ZFHX3: variants seen among roughly 807,000 people sequenced by gnomAD.
ZFHX3 encodes zinc finger homeobox protein 3.
A neutral mutation model predicts 279.1 loss-of-function variants in ZFHX3; 42 were observed. That is an observed-to-expected ratio of 0.15 (90% confidence interval 0.12 to 0.19). The LOEUF (loss-of-function observed/expected upper bound fraction) is 0.19, where lower values mean the gene tolerates loss of function less well. ZFHX3 is among the 10% of genes least tolerant of loss of function. The probability of loss-of-function intolerance (pLI) is 1.00; values close to 1 mark genes in which losing one functional copy is unlikely to be tolerated. For missense variants in ZFHX3, 4,981 were observed against 4,754.0 expected (o/e 1.05, Z -1.40); for synonymous variants, 2,293 against 1,957.8 (o/e 1.17, Z -4.52).
chr16:73,636,963 A>G (rs1323090453), intron 2 of ZFHX3, among the ~76,000 whole-genome samples: 19 of 152,262 alleles, frequency 1.2e-4, no homozygotes. Flanking sequence ...AATTTTGGGA[A>G]CAAACATGAT....
intron 1 of ZFHX3, among the ~76,000 whole-genome samples, chr16:73,055,872 A>ACACACACACACACG (rs1320637770): frequency 7.9e-5 from 12 of 151,676 alleles, no homozygotes; most frequent in African/African-American, 2.9e-4. Flanking sequence ...ACACACACAC[A>ACACACACACACACG]CGCAGAGAAC....
In ZFHX3 at chr16:73,426,386, G is replaced by A. The variant is rs573153194; in HGVS notation, c.-1291+29617C>T. On this transcript the variant is annotated intron_variant, in intron 3 of 17. Coordinates refer to the ZFHX3 transcript ENST00000641206. ...AAAAGTAAAGGTCAAAAACTAAAATGGAGCAAGAAAGGTGATAAATGGCCT... is the reference window on the plus strand; with the variant it reads ...AAAAGTAAAGGTCAAAAACTAAAATAGAGCAAGAAAGGTGATAAATGGCCT... Among the ~76,000 whole-genome samples the A allele has an allele frequency of 4.6e-5, 7 of 152,300 alleles. No homozygotes were observed. The South Asian group carries it at 1.2e-3, about 27-fold the overall frequency.
At chr16:73,645,282 G>C (rs2052608099) in intron 2 of ZFHX3, among the ~76,000 whole-genome samples, 1 of 152,130 alleles carries the variant, frequency 6.6e-6, no homozygotes. Context: ...TTGAGACGGA[G>C]TCTCGCTCTG....
intron 7 of ZFHX3, chr16:73,099,051 T>G (rs548690542): frequency 6.6e-6 from 1 of 152,374 alleles, no homozygotes; most frequent in Admixed American, 6.5e-5. Flanking sequence ...TTTCCTAATA[T>G]ACAGTCTAAA....
chr16:73,264,690 G>T (rs2013919061), intron 4 of ZFHX3, among the ~76,000 whole-genome samples: 1 of 151,978 alleles, frequency 6.6e-6, no homozygotes, highest in South Asian at 2.1e-4. Flanking sequence ...CACTCAAGCA[G>T]TATACAGTGA....
intron 2 of ZFHX3, among the ~76,000 whole-genome samples, chr16:73,523,048 T>C (rs1177023162): frequency 6.6e-6 from 1 of 152,140 alleles, no homozygotes; most frequent in Non-Finnish European, 1.5e-5. Flanking sequence ...TTATGGGAAC[T>C]ACAATTCAAG....
intron 1 of ZFHX3, among the ~76,000 whole-genome samples, chr16:73,680,841 GT>G (rs1408117394): frequency 6.6e-6 from 1 of 152,210 alleles, no homozygotes; most frequent in Non-Finnish European, 1.5e-5. Context: ...ATCTGTGCGT[GT>G]GAGTGGGGTA....
chr16:73,265,558 C>A (rs1357823150), intron 4 of ZFHX3, among the ~76,000 whole-genome samples: 1 of 152,112 alleles, frequency 6.6e-6, no homozygotes, highest in East Asian at 1.9e-4. Flanking sequence ...CAGTTTGGAG[C>A]AAAGTGGTTT....
chr16:73,038,463 G>T (rs1257458227), intron 1 of ZFHX3, among the ~76,000 whole-genome samples: 1 of 152,232 alleles, frequency 6.6e-6, no homozygotes, highest in Non-Finnish European at 1.5e-5. Context: ...CAAAGGCCCA[G>T]AATCATCTGA....
At chr16:72,909,436 T>G (rs985555911) in intron 3 of ZFHX3, among the ~76,000 whole-genome samples, 1 of 152,182 alleles carries the variant, frequency 6.6e-6, no homozygotes, top group Non-Finnish European at 1.5e-5. Flanking sequence ...TTCCCTGACC[T>G]AAAACCCCGT....
At chr16:73,676,208 T>A (rs2052952618) in intron 2 of ZFHX3, among the ~76,000 whole-genome samples, 1 of 152,052 alleles carries the variant, frequency 6.6e-6, no homozygotes, top group Non-Finnish European at 1.5e-5. Flanking sequence ...TTTCTATTAT[T>A]TTTGACTATA....
At chr16:73,204,940 T>C (rs951935704) in intron 5 of ZFHX3, among the ~76,000 whole-genome samples, 2 of 152,236 alleles carry the variant, frequency 1.3e-5, no homozygotes, top group Non-Finnish European at 2.9e-5. Flanking sequence ...TATCTGAGTC[T>C]GTATTAACCA....
intron 4 of ZFHX3, among the ~76,000 whole-genome samples, chr16:72,847,077 C>G (rs1310679918): frequency 6.6e-6 from 1 of 152,212 alleles, no homozygotes; most frequent in Admixed American, 6.5e-5. Flanking sequence ...AAATTAGTTA[C>G]TGACTGTTCT....
chr16:73,860,582 A>G (rs1961855653), intron 1 of ZFHX3, among the ~76,000 whole-genome samples: 1 of 152,236 alleles, frequency 6.6e-6, no homozygotes. Flanking sequence ...TACTACGCCA[A>G]TTCTCATGGA....
chr16:73,379,469 G>T (rs1302861094), intron 3 of ZFHX3, among the ~76,000 whole-genome samples: 1 of 152,138 alleles, frequency 6.6e-6, no homozygotes, highest in Admixed American at 6.5e-5. Flanking sequence ...CTACTTACAG[G>T]CTGTATCTCC....
chr16:73,430,140 T>C (rs1052281854), intron 3 of ZFHX3, among the ~76,000 whole-genome samples: 2 of 152,072 alleles, frequency 1.3e-5, no homozygotes, highest in African/African-American at 4.8e-5. Context: ...TCCTCCCTCT[T>C]TGGCCTCTCA....
chr16:73,044,600 GTGTT>G (rs55924998), intron 1 of ZFHX3, among the ~76,000 whole-genome samples: 79,994 of 150,816 alleles, frequency 0.53, 22,520 homozygotes, highest in East Asian at 0.84. Flanking sequence ...TAAAAGGTGA[GTGTT>G]TGTTTGTTTG....
chr16:73,184,978 C>A (rs1019574368), intron 5 of ZFHX3, among the ~76,000 whole-genome samples: 1 of 144,760 alleles, frequency 6.9e-6, no homozygotes, highest in Non-Finnish European at 1.5e-5. Flanking sequence ...GAACATGCAC[C>A]ATCTCTTTTT....
At chr16:73,246,916 C>T (rs2013297636) in intron 5 of ZFHX3, among the ~76,000 whole-genome samples, 1 of 152,108 alleles carries the variant, frequency 6.6e-6, no homozygotes, top group Non-Finnish European at 1.5e-5. Flanking sequence ...CTTTATACTC[C>T]TTCATGTATG....
Sources: allele counts gnomAD v4.1 joint callset (sites outside exome capture counted in the v4.1 genomes callset), GRCh38; gene constraint gnomAD v4.1.1; transcripts MANE v1.5; gene names NCBI Gene and HGNC (gene_info 2026-07-23, HGNC 2026-07-21).